PCNX1: variants seen among roughly 807,000 people sequenced by gnomAD.
PCNX1 encodes the protein pecanex 1, also known as pecanex-like protein 1.
In PCNX1, 78 loss-of-function variants were observed where a neutral mutation model predicts 242.2. That is an observed-to-expected ratio of 0.32 (90% CI 0.27 to 0.39). The LOEUF is 0.39. Among genes scored for constraint, PCNX1 ranks in the 10% least tolerant of loss-of-function variants. The pLI, the probability that PCNX1 is intolerant of heterozygous loss-of-function variation, is 1.00. For synonymous variants in PCNX1, 1,024 were observed against 1,032.9 expected (o/e 0.99, Z 0.17); for missense variants, 2,581 against 2,856.5 (o/e 0.90, Z 2.20).
At chr14:70,974,788 T>C (rs1030589690) in intron 5 of PCNX1, among the ~76,000 whole-genome samples, 9 of 152,228 alleles carry the variant, frequency 5.9e-5, no homozygotes, top group Admixed American at 5.9e-4. Flanking sequence ...ATAACAATTA[T>C]TTTAAAAAAA....
intron 17 of PCNX1, 142 bp downstream of exon 17, chr14:71,033,680 T>G (rs1169304774): frequency 5.0e-6 from 3 of 594,550 alleles, no homozygotes; most frequent in Middle Eastern, 4.4e-4. Flanking sequence ...AATATAATAA[T>G]TTTGGGTTAT....
intron 8 of PCNX1, 100 bp downstream of exon 8, chr14:70,996,025 C>A: frequency 3.3e-6 from 3 of 902,596 alleles, no homozygotes; most frequent in Non-Finnish European, 3.6e-6. Context: ...CATTTTGGAA[C>A]TATGCATAGG....
At chr14:70,952,686 T>C (rs543555872) in intron 2 of PCNX1, among the ~76,000 whole-genome samples, 1 of 152,302 alleles carries the variant, frequency 6.6e-6, no homozygotes, top group African/African-American at 2.4e-5. Flanking sequence ...ACTGTAAGAA[T>C]AGACCATAGT....
chr14:70,977,017 C>T lies in PCNX1; in HGVS notation c.680C>T (p.Ser227Phe), dbSNP rs761011272. The change falls in exon 6 of 36, where the codon TCT (serine) becomes TTT (phenylalanine). Residue 227 changes from serine to phenylalanine, a missense_variant. Coordinates refer to ENST00000304743, the MANE Select transcript of PCNX1 (RefSeq NM_014982.3). ...ATCTCTATTCAGCCTTCCTTATCCT[C>T]TTGTGGACAGGACTTGCCAAGGGAC... ...SFISIQPSLSSCGQDLPRDFS... is the reference protein window; with the variant it reads ...SFISIQPSLSFCGQDLPRDFS... The T allele has an allele frequency of 1.9e-6, 3 of 1,614,134 alleles. No individual in the cohort carries two copies. The South Asian group carries it at 3.3e-5, about 18-fold the overall frequency.
rs776376665 is a variant in PCNX1 at position 71,009,718 on chromosome 14, A to G, written c.2714A>G (p.Asn905Ser). 3.2e-6 allele frequency: 5 copies of G among 1,581,066 alleles called. No homozygotes were observed. The highest frequency in any genetic ancestry group is 1.7e-5 in the Admixed American group (1 of 59,830). The part of the protein sequence containing the change: ...NFEPAARRAS[N>S]ICDTDSHVSS... ...GAACCAGCAGCAAGAAGAGCATCCAATATCTGGTATGTGTGAAGTCATATT... is the reference window on the plus strand; with the variant it reads ...GAACCAGCAGCAAGAAGAGCATCCAGTATCTGGTATGTGTGAAGTCATATT... The change falls in exon 9 of 36, where the codon AAT becomes AGT. Residue 905 changes from asparagine to serine, a missense_variant. Physicochemically the swap from Asn to Ser is conservative, Grantham distance 46 (BLOSUM62 1). Around this residue, in one of 9 missense-constraint regions of PCNX1, gnomAD observed 1,204 missense variants for 1,216.7 expected, o/e 0.99. Coordinates refer to ENST00000304743, the MANE Select transcript of PCNX1 (RefSeq NM_014982.3).
chr14:70,990,372 A>G (rs2059128105), intron 7 of PCNX1, among the ~76,000 whole-genome samples: 1 of 151,884 alleles, frequency 6.6e-6, no homozygotes, highest in Non-Finnish European at 1.5e-5. Context: ...AGACTAGCCA[A>G]CATGGTGAAA....
At position 71,050,711 on chromosome 14, in the gene PCNX1, C is replaced by G; in HGVS notation, c.4398C>G (p.Ile1466Met). Residue 1466 changes from isoleucine to methionine, a missense_variant, in exon 23 of 36, where the codon ATC becomes ATG. Physicochemically the swap from Ile to Met is conservative, Grantham distance 10 (BLOSUM62 1). This residue lies in a region of PCNX1 where 99 missense variants were observed against 147.3 expected (regional missense o/e 0.67). Coordinates refer to ENST00000304743, the MANE Select transcript of PCNX1 (RefSeq NM_014982.3). ...FVYTYIAPWQ[I>M]TWGSAFHAFA... ...ATACCTATATTGCCCCATGGCAGAT[C>G]ACATGGGGTTCTGCTTTCCATGCTT... 1.2e-6 allele frequency: 2 copies of G among 1,612,480 alleles called. No homozygotes were observed. Among genetic ancestry groups the G allele is most frequent in the Non-Finnish European group, 1.7e-6 (2 of 1,178,870 alleles).
At chr14:71,014,894 A>G (rs1040467025) in intron 11 of PCNX1, among the ~76,000 whole-genome samples, 4 of 152,174 alleles carry the variant, frequency 2.6e-5, no homozygotes, top group Non-Finnish European at 5.9e-5. Context: ...CAAGCATAAA[A>G]TGCTTGAATA....
At chr14:71,064,199 A>G (rs1427520482) in intron 26 of PCNX1, among the ~76,000 whole-genome samples, 1 of 152,166 alleles carries the variant, frequency 6.6e-6, no homozygotes, top group Non-Finnish European at 1.5e-5. Context: ...ATTAATTAAT[A>G]TTAATAATTG....
chr14:71,026,936 GA>G (rs1485330466), intron 15 of PCNX1, 54 bp downstream of exon 15: 8 of 785,652 alleles, frequency 1.0e-5, no homozygotes, highest in African/African-American at 1.8e-5. Flanking sequence ...TATAGATCAT[GA>G]AGTAATAAAC....
rs754988991 is a variant in PCNX1, at chr14:70,995,866, T to C, written c.2570T>C (p.Leu857Ser). ...CTGGTGAGAAATGGGAGTGTCCACTTAGAAGCATCACATGACAATGCATCT... is the reference window on the plus strand; with the variant it reads ...CTGGTGAGAAATGGGAGTGTCCACTCAGAAGCATCACATGACAATGCATCT... Reference protein sequence around the residue: ...SLLVRNGSVHLEASHDNASAV... With the variant: ...SLLVRNGSVHSEASHDNASAV... The change falls in exon 8 of 36, where the codon TTA (leucine) becomes TCA (serine). Residue 857 changes from leucine (L) to serine (S), a missense_variant. By Grantham distance (145) the Leu-to-Ser change is moderately radical. Around this residue, in one of 9 missense-constraint regions of PCNX1, gnomAD observed 1,204 missense variants for 1,216.7 expected, o/e 0.99. Coordinates refer to ENST00000304743, the MANE Select transcript of PCNX1 (RefSeq NM_014982.3). 5 of 1,613,984 alleles carry C rather than the reference T, an allele frequency of 3.1e-6. No homozygotes were observed. Among genetic ancestry groups the C allele is most frequent in the East Asian group, 4.5e-5 (2 of 44,898 alleles).
At chr14:71,090,821 C>G (rs1418525766) in intron 30 of PCNX1, among the ~76,000 whole-genome samples, 1 of 152,178 alleles carries the variant, frequency 6.6e-6, no homozygotes, top group African/African-American at 2.4e-5. Flanking sequence ...CTCAGCTTGT[C>G]CGAGATGAAA....
intron 8 of PCNX1, among the ~76,000 whole-genome samples, chr14:71,007,657 A>G (rs537551483): frequency 6.6e-6 from 1 of 152,254 alleles, no homozygotes; most frequent in South Asian, 2.1e-4. Context: ...TTGAGCAGAT[A>G]TTTCTTTTTT....
At chr14:71,020,876 G>A (rs1181939141) in intron 12 of PCNX1, among the ~76,000 whole-genome samples, 1 of 152,138 alleles carries the variant, frequency 6.6e-6, no homozygotes, top group Non-Finnish European at 1.5e-5. Context: ...TTTTCTTCTA[G>A]GGTTTTTATG....
chr14:71,072,209 C>T (rs2061602731), intron 26 of PCNX1, among the ~76,000 whole-genome samples: 1 of 152,106 alleles, frequency 6.6e-6, no homozygotes, highest in African/African-American at 2.4e-5. Context: ...TGTCAAAAAC[C>T]TTCAATTTGT....
rs1595527633 is a variant in PCNX1 at position 71,109,801 on chromosome 14, C to A, written c.6892C>A (p.His2298Asn). ...TTTTATTCTGAATCATTAGGTGATT[C>A]ACCGATGGGTGCCTTGCAGCAGAGA... ...PQEGMEGHVI[H>N]RWVPCSRDPG... is the part of the protein sequence containing the mutation. The change falls in exon 36 of 36, where the codon CAC becomes AAC. Residue 2298 changes from histidine to asparagine, a missense_variant. By Grantham distance (68) the His-to-Asn change is moderately conservative. Coordinates refer to ENST00000304743, the MANE Select transcript of PCNX1 (RefSeq NM_014982.3). 1 of 1,613,870 alleles carries A rather than the reference C, an allele frequency of 6.2e-7. No individual in the cohort carries two copies. Among genetic ancestry groups the A allele is most frequent in the Non-Finnish European group, 8.5e-7 (1 of 1,179,810 alleles).
rs553462682 is a variant in PCNX1 at position 71,112,191 on chromosome 14, A to G, written c.*2256A>G. ...CACAGAAAAAAAATCTGACCTTTAC[A>G]TGATTTAATCTGAAGGGCTAGAATT... On this transcript the variant is annotated 3_prime_UTR_variant, in exon 36 of 36. Coordinates refer to ENST00000304743, the MANE Select transcript of PCNX1 (RefSeq NM_014982.3). The G allele has an allele frequency of 2.0e-5, 3 of 152,364 alleles. No homozygotes were observed. Among genetic ancestry groups the G allele is most frequent in the Admixed American group, 6.5e-5 (1 of 15,268 alleles). The allele number at this position is 152,364 out of a possible 1,614,324, so 9.4% of individuals were successfully genotyped here. A position where few individuals can be genotyped will look rare whatever the true frequency, so the allele number is the denominator to read the frequency against.
chr14:70,931,792 C>G (rs1326335793), intron 1 of PCNX1, among the ~76,000 whole-genome samples: 1 of 152,188 alleles, frequency 6.6e-6, no homozygotes, highest in African/African-American at 2.4e-5. Context: ...TGGGAACATT[C>G]AGAGATCTCA....
At chr14:70,910,661 A>G (rs1310125359) in intron 1 of PCNX1, among the ~76,000 whole-genome samples, 1 of 152,172 alleles carries the variant, frequency 6.6e-6, no homozygotes, top group African/African-American at 2.4e-5. Context: ...ACCTTTTAAA[A>G]TAGTATGGTA....
Sources: allele counts gnomAD v4.1 joint callset (sites outside exome capture counted in the v4.1 genomes callset), GRCh38; gene constraint gnomAD v4.1.1; regional missense constraint gnomAD v4.1.1; transcripts MANE v1.5; gene names NCBI Gene and HGNC (gene_info 2026-07-23, HGNC 2026-07-21).